The following MAP3K7 variants were observed in gnomAD, a reference collection of about 807,000 sequenced individuals.
MAP3K7 encodes the protein mitogen-activated protein kinase kinase kinase 7, also known as TGF-beta activated kinase 1.
MAP3K7 carries 21 observed loss-of-function variants against 84.8 expected under a neutral mutation model. The observed-to-expected ratio is 0.25, with a 90% CI of 0.18 to 0.36. The LOEUF (loss-of-function observed/expected upper bound fraction) is 0.36, where lower values mean the gene tolerates loss of function less well. Ranked by LOEUF, MAP3K7 falls within the 10% of genes least tolerant of loss-of-function variation. The probability of loss-of-function intolerance (pLI) is 1.00; values close to 1 mark genes in which losing one functional copy is unlikely to be tolerated. For synonymous variants in MAP3K7, 241 were observed against 247.7 expected (o/e 0.97, Z 0.25); for missense variants, 503 against 747.7 (o/e 0.67, Z 3.82).
intron 2 of MAP3K7, among the ~76,000 whole-genome samples, chr6:90,571,088 T>C (rs1045351198): frequency 6.6e-6 from 1 of 152,254 alleles, no homozygotes; most frequent in African/African-American, 2.4e-5. Context: ...AGGCCACTTA[T>C]CCATTGGCCA....
At chr6:90,540,611 T>C (rs1014686748) in intron 12 of MAP3K7, among the ~76,000 whole-genome samples, 2 of 151,960 alleles carry the variant, frequency 1.3e-5, no homozygotes, top group African/African-American at 2.4e-5. Flanking sequence ...GGTAAGTATA[T>C]ATGTATATGA....
intron 14 of MAP3K7, among the ~76,000 whole-genome samples, chr6:90,521,322 A>C (rs1186630538): frequency 6.6e-6 from 1 of 151,428 alleles, no homozygotes; most frequent in African/African-American, 2.4e-5. Flanking sequence ...GCTTCTCCTG[A>C]ATGTCAAAGC....
Position 90,548,047 on chromosome 6 carries a change from C to A in MAP3K7, c.1080G>T (p.Gln360His). ...TTTTACTTGTAATAACATAACAAAC[C>A]TGTTGCTTTGCCTGATTTTTCAACA... ...SKLLKNQAKQ[Q>H]SESGRLSLGA... is the part of the protein sequence containing the mutation. Residue 360 changes from glutamine to histidine, a missense_variant and splice_region_variant, in exon 10 of 17, where the codon CAG becomes CAT. By Grantham distance (24) the Gln-to-His change is conservative. This residue lies in a region of MAP3K7 where 286 missense variants were observed against 313.6 expected (regional missense o/e 0.91). Transcript: ENST00000369329. The A allele has an allele frequency of 6.2e-7, 1 of 1,609,268 alleles. No individual in the cohort carries two copies. The highest frequency in any genetic ancestry group is 8.5e-7 in the Non-Finnish European group (1 of 1,177,926).
In MAP3K7 at chr6:90,587,056, C is replaced by G. The variant is rs1299995824; in HGVS notation, c.-173G>C. On this transcript the variant is annotated 5_prime_UTR_variant, in exon 1 of 17. Transcript: ENST00000369329. ...GCCACAGCCGTGTCCGGCTCTGGCT[C>G]CGCTGCGTTTTCCGCCGACGGGCCC... The G allele has an allele frequency of 1.4e-6, 1 of 738,770 alleles. No individual in the cohort carries two copies. The highest frequency in any genetic ancestry group is 1.9e-5 in the African/African-American group (1 of 53,582). 45.8% of individuals were successfully genotyped at this position (738,770 alleles called of 1,614,324 possible).
Position 90,586,834 on chromosome 6 carries a change from T to C in MAP3K7, c.50A>G (p.Glu17Gly), listed in dbSNP as rs771456548. Residue 17 changes from glutamate to glycine, a missense_variant, in exon 1 of 17, where the codon GAG (glutamate) becomes GGG (glycine). Physicochemically the swap from Glu to Gly is moderately conservative, Grantham distance 98. Coordinates refer to ENST00000369329, the MANE Select transcript of MAP3K7 (RefSeq NM_145331.3). ...ASSSSSSSAG[E>G]MIEAPSQVLN... Reference sequence around the variant, plus strand: ...GACCTGGGAAGGGGCTTCGATCATCTCACCGGCCGAAGACGAGGAGGAGGA... The same window carrying C: ...GACCTGGGAAGGGGCTTCGATCATCCCACCGGCCGAAGACGAGGAGGAGGA... The C allele has an allele frequency of 1.9e-6, 3 of 1,610,878 alleles. No individual in the cohort carries two copies. The highest frequency in any genetic ancestry group is 2.5e-6 in the Non-Finnish European group (3 of 1,178,564).
At chr6:90,543,659 C>G (rs950268756) in intron 12 of MAP3K7, among the ~76,000 whole-genome samples, 1 of 152,030 alleles carries the variant, frequency 6.6e-6, no homozygotes, top group Non-Finnish European at 1.5e-5. Flanking sequence ...CAAAGGACAG[C>G]ATGCTGAAGA....
At position 90,574,320 on chromosome 6, in the gene MAP3K7, G is replaced by T. The variant is rs74900684; in HGVS notation, c.121-2513C>A. Among the ~76,000 whole-genome samples, 161 of 152,144 alleles carry T rather than the reference G, an allele frequency of 1.1e-3. 1 individual carries two copies. The highest frequency in any genetic ancestry group is 3.7e-3 in the African/African-American group (155 of 41,506). On this transcript the variant is annotated intron_variant, in intron 1 of 16. Transcript: ENST00000369329. ...GATGGGATCCCACTATGTTGCCCAG[G>T]TTGGTCCTGAATCCCTGAACTCAAG...
intron 14 of MAP3K7, among the ~76,000 whole-genome samples, chr6:90,522,795 T>G (rs891893229): frequency 2.0e-5 from 3 of 152,202 alleles, no homozygotes; most frequent in Non-Finnish European, 2.9e-5. Flanking sequence ...GAGTTGTATT[T>G]TAGTTTGTAA....
intron 13 of MAP3K7, among the ~76,000 whole-genome samples, chr6:90,529,604 C>G (rs1159295287): frequency 1.3e-5 from 2 of 152,088 alleles, no homozygotes; most frequent in Non-Finnish European, 2.9e-5. Flanking sequence ...ACCTCTAAGA[C>G]TCAATAGGAA....
intron 12 of MAP3K7, among the ~76,000 whole-genome samples, chr6:90,540,524 G>T (rs1413972018): frequency 1.3e-5 from 2 of 151,934 alleles, no homozygotes; most frequent in African/African-American, 4.8e-5. Flanking sequence ...AATCAAGCCG[G>T]TATGAACCAT....
chr6:90,529,983 T>C (rs62409064), intron 13 of MAP3K7, among the ~76,000 whole-genome samples: 2 of 152,326 alleles, frequency 1.3e-5, no homozygotes, highest in African/African-American at 4.8e-5. Flanking sequence ...AACAACGACA[T>C]ACACCAAAGA....
chr6:90,559,379 A>G (rs982875026), intron 5 of MAP3K7, among the ~76,000 whole-genome samples: 2 of 77,726 alleles, frequency 2.6e-5, no homozygotes, highest in Non-Finnish European at 5.9e-5. Context: ...CTGGGGTGGG[A>G]GCTTGGGGGG....
At chr6:90,524,041 T>A (rs1198654222) in intron 13 of MAP3K7, among the ~76,000 whole-genome samples, 1 of 152,144 alleles carries the variant, frequency 6.6e-6, no homozygotes, top group Non-Finnish European at 1.5e-5. Flanking sequence ...AACTAGTAAG[T>A]GCTTAAGCTG....
rs1262076141 is a variant in MAP3K7, at chr6:90,556,709, G to GA, written c.483-86dup. On this transcript the variant is annotated intron_variant, in intron 5 of 16. Transcript: ENST00000369329. The stretch of plus-strand genomic sequence containing the variant: ...AAAAGAAGAGACATTTGTGGAAATG[G>GA]AAAAGGTTAAGCAAAATGAATGTTA... The GA allele has an allele frequency of 6.5e-6, 9 of 1,381,110 alleles. No individual in the cohort carries two copies. In the South Asian group the frequency reaches 7.2e-5, roughly 11 times the overall value. The allele number at this position is 1,381,110 out of a possible 1,614,324, so 85.6% of individuals were successfully genotyped here. A position where few individuals can be genotyped will look rare whatever the true frequency, so the allele number is the denominator to read the frequency against.
chr6:90,564,612 A>G (rs1352835134), intron 3 of MAP3K7, among the ~76,000 whole-genome samples: 1 of 152,186 alleles, frequency 6.6e-6, no homozygotes, highest in African/African-American at 2.4e-5. Context: ...CTCCCATACA[A>G]TAATATTGGG....
chr6:90,562,477 T>C (rs989028649), intron 3 of MAP3K7, among the ~76,000 whole-genome samples: 6 of 152,190 alleles, frequency 3.9e-5, no homozygotes, highest in South Asian at 2.1e-4. Context: ...CACTCACTGC[T>C]AGCACAGCAG....
intron 1 of MAP3K7, among the ~76,000 whole-genome samples, chr6:90,582,880 C>CTTTTTTTTTTT (rs535938524): frequency 7.7e-6 from 1 of 129,162 alleles, no homozygotes; most frequent in Non-Finnish European, 1.6e-5. Context: ...CTTCTATCAT[C>CTTTTTTTTTTT]TTTTTTTTTT....
At chr6:90,555,419 C>A (rs1037001290) in intron 6 of MAP3K7, among the ~76,000 whole-genome samples, 1 of 152,008 alleles carries the variant, frequency 6.6e-6, no homozygotes, top group Non-Finnish European at 1.5e-5. Flanking sequence ...CCACGCCCGG[C>A]GAATTTTTTG....
intron 3 of MAP3K7, among the ~76,000 whole-genome samples, chr6:90,567,129 A>T (rs1335510379): frequency 1.3e-5 from 2 of 152,278 alleles, no homozygotes; most frequent in East Asian, 3.9e-4. Flanking sequence ...AACCTAGGCA[A>T]TACCATTCAG....
Sources: gnomAD v4.1 joint callset for allele counts (sites outside exome capture counted in the v4.1 genomes callset) on GRCh38, gnomAD v4.1.1 for gene constraint, gnomAD v4.1.1 regional missense constraint, MANE v1.5 for transcripts, NCBI Gene and HGNC (gene_info 2026-07-23, HGNC 2026-07-21) for gene names.